The following NVL variants were observed in gnomAD, a reference collection of about 807,000 sequenced individuals.
NVL encodes nuclear VCP like.
A neutral mutation model predicts 110.2 loss-of-function variants in NVL; 84 were observed. The ratio of observed to expected loss-of-function variants is 0.76; its 90% CI spans 0.64 to 0.91. The LOEUF is 0.91. Ranked by LOEUF, NVL falls within the 40% of genes least tolerant of loss-of-function variation. The probability of loss-of-function intolerance (pLI) is 0.00; values close to 1 mark genes in which losing one functional copy is unlikely to be tolerated. For synonymous variants in NVL, 354 were observed against 361.1 expected (o/e 0.98, Z 0.22); for missense variants, 882 against 1,035.9 (o/e 0.85, Z 2.04).
intron 16 of NVL, among the ~76,000 whole-genome samples, chr1:224,279,002 G>A (rs1025166993): frequency 6.6e-6 from 1 of 152,072 alleles, no homozygotes; most frequent in Non-Finnish European, 1.5e-5. Flanking sequence ...TGGGATTATA[G>A]GTGTGAGCCA....
intron 14 of NVL, among the ~76,000 whole-genome samples, chr1:224,286,397 G>A (rs868609539): frequency 1.3e-5 from 2 of 151,914 alleles, no homozygotes; most frequent in African/African-American, 4.8e-5. Flanking sequence ...GTAGAGTCGG[G>A]GTTTCACCAT....
intron 22 of NVL, among the ~76,000 whole-genome samples, chr1:224,229,811 G>C (rs1659665963): frequency 6.6e-6 from 1 of 152,124 alleles, no homozygotes; most frequent in African/African-American, 2.4e-5. Context: ...AGAAATACTT[G>C]AAGTGTGTTT....
chr1:224,255,856 T>C (rs187076777), intron 18 of NVL, among the ~76,000 whole-genome samples: 32 of 152,356 alleles, frequency 2.1e-4, no homozygotes, highest in Admixed American at 1.8e-3. Context: ...AATGTTGTTT[T>C]CAATGGTCTT....
chr1:224,255,815 T>A (rs1347391120), intron 18 of NVL, among the ~76,000 whole-genome samples: 1 of 152,212 alleles, frequency 6.6e-6, no homozygotes, highest in Non-Finnish European at 1.5e-5. Context: ...TAGAAAAAAA[T>A]TTCTCCAGTG....
chr1:224,324,355 G>T lies in NVL; in HGVS notation c.131+2036C>A, dbSNP rs927607604. ...TGTCTGGTTTCACAGGTTAATAGAT[G>T]AAGAGGAATTTTGCCCCAGGATAAA... On this transcript the variant is annotated intron_variant, in intron 2 of 22. Transcript: ENST00000281701. 2.1e-4 allele frequency among the ~76,000 whole-genome samples: 32 copies of T among 152,196 alleles called. 1 individual carries two copies. Among genetic ancestry groups the T allele is most frequent in the African/African-American group, 7.7e-4 (32 of 41,454 alleles).
chr1:224,231,167 A>G (rs889372523), intron 22 of NVL, 59 bp downstream of exon 22: 1 of 1,146,940 alleles, frequency 8.7e-7, no homozygotes, highest in Non-Finnish European at 1.3e-6. Context: ...TCATGAGGTC[A>G]TATCTACTGG....
At chr1:224,281,290 T>TGC (rs1254544768) in intron 15 of NVL, 105 bp from the exon 16 acceptor site, 2 of 705,092 alleles carry the variant, frequency 2.8e-6, no homozygotes, top group Non-Finnish European at 2.5e-6. Flanking sequence ...TGTGCGTGTG[T>TGC]GTGTGTGTGT....
At chr1:224,293,435 A>G (rs145126798) in intron 12 of NVL, among the ~76,000 whole-genome samples, 1 of 152,188 alleles carries the variant, frequency 6.6e-6, no homozygotes, top group Non-Finnish European at 1.5e-5. Context: ...AGTCTCGCTT[A>G]TGAAGTTATA....
chr1:224,292,207 G>A (rs1315994654), intron 12 of NVL, among the ~76,000 whole-genome samples: 3 of 152,112 alleles, frequency 2.0e-5, no homozygotes, highest in Non-Finnish European at 4.4e-5. Flanking sequence ...AGTTCAAGAT[G>A]AGCCTGGGCA....
intron 9 of NVL, among the ~76,000 whole-genome samples, chr1:224,302,737 C>G (rs973916477): frequency 1.3e-5 from 2 of 152,076 alleles, no homozygotes; most frequent in African/African-American, 4.8e-5. Flanking sequence ...CCCTAGTTTT[C>G]TTATTTTACT....
intron 19 of NVL, among the ~76,000 whole-genome samples, chr1:224,249,084 T>C (rs1662176552): frequency 1.3e-5 from 2 of 152,020 alleles, no homozygotes; most frequent in Non-Finnish European, 2.9e-5. Context: ...GACCTCAAAA[T>C]GTGATGTGTG....
chr1:224,240,970 T>C (rs143293423), intron 19 of NVL, among the ~76,000 whole-genome samples: 2 of 151,948 alleles, frequency 1.3e-5, no homozygotes, highest in African/African-American at 4.8e-5. Context: ...TTTTGTATGT[T>C]TAGTAGAGAT....
intron 1 of NVL, among the ~76,000 whole-genome samples, chr1:224,327,726 C>G (rs986274488): frequency 6.6e-6 from 1 of 151,178 alleles, no homozygotes; most frequent in South Asian, 2.1e-4. Context: ...TAGAGGAAAA[C>G]TGATAATGTC....
intron 15 of NVL, among the ~76,000 whole-genome samples, chr1:224,285,814 G>A (rs887215337): frequency 1.3e-5 from 2 of 152,078 alleles, no homozygotes. Context: ...AAATTGATAG[G>A]ATTATGGTTG....
At chr1:224,294,181 C>G in intron 12 of NVL, 86 bp downstream of exon 12, 1 of 1,353,504 alleles carries the variant, frequency 7.4e-7, no homozygotes, top group East Asian at 2.3e-5. Flanking sequence ...AAAGAAAAGG[C>G]TACTTGGTAT....
intron 14 of NVL, 66 bp downstream of exon 14, chr1:224,287,709 A>C: frequency 2.2e-6 from 3 of 1,361,094 alleles, no homozygotes; most frequent in South Asian, 2.4e-5. Context: ...GTACACATGC[A>C]TGGAGCTTTA....
rs1476175389 is a variant in NVL at position 224,247,358 on chromosome 1, A to C, written c.2289+2854T>G. On this transcript the variant is annotated intron_variant, in intron 19 of 22. Coordinates refer to ENST00000281701, the MANE Select transcript of NVL (RefSeq NM_002533.4). ...GTAGCTGGGACTACGGGTGCATGCC[A>C]CTATGCCCAACTAATTAAAAAATTT... Among the ~76,000 whole-genome samples, 11 of 152,008 alleles carry C rather than the reference A, an allele frequency of 7.2e-5. No homozygotes were observed. In the East Asian group the frequency reaches 2.1e-3, roughly 30 times the overall value.
At chr1:224,291,546 G>A (rs974461148) in intron 12 of NVL, among the ~76,000 whole-genome samples, 2 of 152,138 alleles carry the variant, frequency 1.3e-5, no homozygotes, top group Admixed American at 1.3e-4. Flanking sequence ...AAACATTACT[G>A]ACAAATTTTT....
intron 9 of NVL, 76 bp from the exon 10 acceptor site, chr1:224,300,739 AT>A: frequency 1.0e-6 from 1 of 1,003,368 alleles, no homozygotes; most frequent in Non-Finnish European, 1.5e-6. Context: ...GTCCCCTCAA[AT>A]TTTTTAAATA....
Sources: allele counts gnomAD v4.1 joint callset (sites outside exome capture counted in the v4.1 genomes callset), GRCh38; gene constraint gnomAD v4.1.1; transcripts MANE v1.5; gene names NCBI Gene and HGNC (gene_info 2026-07-23, HGNC 2026-07-21).